Variants in PDE7A observed in about 807,000 individuals in gnomAD.
PDE7A encodes high affinity 3',5'-cyclic-AMP phosphodiesterase 7A.
In PDE7A, 39 loss-of-function variants were observed where a neutral mutation model predicts 64.3. That is an observed-to-expected ratio of 0.61 (90% CI 0.47 to 0.79). The LOEUF is 0.79. Among genes scored for constraint, PDE7A ranks in the 30% least tolerant of loss-of-function variants. The pLI is 0.00. For synonymous variants in PDE7A, 203 were observed against 206.8 expected, an observed-to-expected ratio of 0.98 and a Z score of 0.16; for missense variants, 470 against 582.8, an observed-to-expected ratio of 0.81 and a Z score of 1.99.
intron 1 of PDE7A, among the ~76,000 whole-genome samples, chr8:65,812,969 C>CA (rs987335667): frequency 3.3e-5 from 5 of 151,898 alleles, no homozygotes; most frequent in African/African-American, 1.2e-4. Flanking sequence ...AATAAATTTT[C>CA]AAATGAACCC....
At chr8:65,738,820 GT>G (rs1326401052) in intron 6 of PDE7A, among the ~76,000 whole-genome samples, 12 of 152,216 alleles carry the variant, frequency 7.9e-5, no homozygotes, top group African/African-American at 2.7e-4. Context: ...CTCTTTTAAA[GT>G]TTTAGCCTTC....
In PDE7A at chr8:65,836,450, G is replaced by A. The variant is rs114302888; in HGVS notation, c.138+4921C>T. 3.6e-3 allele frequency among the ~76,000 whole-genome samples: 552 copies of A among 152,290 alleles called. 2 individuals are homozygous for A. Among genetic ancestry groups the A allele is most frequent in the African/African-American group, 0.012 (516 of 41,558 alleles). ...TGTCTAATAATATATGATTGGAGAT[G>A]AAACAGACAGGATCACCTATTTTGG... On this transcript the variant is annotated intron_variant, in intron 1 of 12. Transcript: ENST00000401827.
chr8:65,808,516 G>A (rs576896256), intron 1 of PDE7A, among the ~76,000 whole-genome samples: 3 of 152,144 alleles, frequency 2.0e-5, no homozygotes, highest in African/African-American at 7.2e-5. Context: ...CACAGTAGGA[G>A]AAAGAATCTA....
intron 7 of PDE7A, 135 bp from the exon 8 acceptor site, chr8:65,727,436 G>A: frequency 8.1e-7 from 1 of 1,239,202 alleles, no homozygotes; most frequent in Non-Finnish European, 1.1e-6. Context: ...TCAGGTGGTT[G>A]TTCATTAGGT....
intron 1 of PDE7A, among the ~76,000 whole-genome samples, chr8:65,807,221 G>T (rs370322768): frequency 1.3e-5 from 2 of 152,206 alleles, no homozygotes; most frequent in East Asian, 3.9e-4. Flanking sequence ...ACATTGTTTT[G>T]TAGTTTTCAG....
intron 3 of PDE7A, among the ~76,000 whole-genome samples, chr8:65,755,693 T>C (rs1808202342): frequency 6.6e-6 from 1 of 152,284 alleles, no homozygotes; most frequent in Admixed American, 6.5e-5. Flanking sequence ...TATTTACTTG[T>C]GTAGTAACCT....
intron 1 of PDE7A, among the ~76,000 whole-genome samples, chr8:65,818,760 C>T (rs1193288012): frequency 1.3e-5 from 2 of 152,244 alleles, no homozygotes; most frequent in African/African-American, 2.4e-5. Context: ...TGCACAGCCT[C>T]ATCCAGGAAT....
chr8:65,719,990 G>C (rs1806307600), intron 12 of PDE7A, among the ~76,000 whole-genome samples: 1 of 152,064 alleles, frequency 6.6e-6, no homozygotes, highest in African/African-American at 2.4e-5. Context: ...GACTACAATT[G>C]GTCATTTTAT....
chr8:65,725,634 T>A (rs530738230), intron 9 of PDE7A: 57 of 152,270 alleles, frequency 3.7e-4, no homozygotes, highest in African/African-American at 1.3e-3. Context: ...CCATAGCAAA[T>A]ACTATCTCTG....
intron 3 of PDE7A, among the ~76,000 whole-genome samples, chr8:65,771,790 G>T (rs892448552): frequency 5.4e-5 from 8 of 148,042 alleles, no homozygotes. Context: ...CAGGAGAATC[G>T]CTTGAACCTG....
At chr8:65,781,996 T>C (rs1214301880) in intron 2 of PDE7A, among the ~76,000 whole-genome samples, 1 of 152,086 alleles carries the variant, frequency 6.6e-6, no homozygotes, top group Non-Finnish European at 1.5e-5. Context: ...AATAGAACTC[T>C]GGGGAACACT....
At chr8:65,838,746 T>A (rs1811008797) in intron 1 of PDE7A, 1 of 152,268 alleles carries the variant, frequency 6.6e-6, no homozygotes, top group Non-Finnish European at 1.5e-5. Context: ...GAGTTTTTCT[T>A]CTGATCCCTG....
chr8:65,784,900 A>T (rs1055103222), intron 1 of PDE7A, among the ~76,000 whole-genome samples: 1 of 152,126 alleles, frequency 6.6e-6, no homozygotes, highest in Non-Finnish European at 1.5e-5. Context: ...GTATTTTTAC[A>T]TATCAGATTA....
At position 65,749,181 on chromosome 8, in the gene PDE7A, G is replaced by GT. The variant is rs1563486339; in HGVS notation, c.284-1379dup. 2.6e-5 allele frequency among the ~76,000 whole-genome samples: 4 copies of GT among 152,268 alleles called. No individual in the cohort carries two copies. The South Asian group carries it at 8.3e-4, about 32-fold the overall frequency. ...AATAGTACTTCTGATATTATAATTAGTTTTTTGTCTCCTTGAACAAATGAT... is the reference window on the plus strand; with the variant it reads ...AATAGTACTTCTGATATTATAATTAGTTTTTTTGTCTCCTTGAACAAATGAT... On this transcript the variant is annotated intron_variant, in intron 3 of 12. Coordinates refer to ENST00000401827, the MANE Select transcript of PDE7A (RefSeq NM_001242318.3).
intron 1 of PDE7A, among the ~76,000 whole-genome samples, chr8:65,822,565 A>C (rs974739395): frequency 2.0e-5 from 3 of 152,214 alleles, no homozygotes; most frequent in Admixed American, 6.5e-5. Flanking sequence ...CACTCTTAAG[A>C]AGCACATATT....
At chr8:65,835,990 G>A (rs1416703531) in intron 1 of PDE7A, among the ~76,000 whole-genome samples, 3 of 152,150 alleles carry the variant, frequency 2.0e-5, no homozygotes, top group Admixed American at 6.5e-5. Flanking sequence ...TAGCTCAGAA[G>A]TGAAAGCTAA....
chr8:65,797,158 A>G (rs1286267943), intron 1 of PDE7A, among the ~76,000 whole-genome samples: 2 of 152,234 alleles, frequency 1.3e-5, no homozygotes, highest in Non-Finnish European at 2.9e-5. Flanking sequence ...ACTACAAAAC[A>G]TAGTATGGGG....
rs372447588 is a variant in PDE7A at position 65,727,318 on chromosome 8, G to A, written c.697-17C>T. The A allele has an allele frequency of 1.2e-6, 2 of 1,611,840 alleles. No homozygotes were observed. The highest frequency in any genetic ancestry group is 1.7e-6 in the Non-Finnish European group (2 of 1,178,634). On this transcript the variant is annotated splice_polypyrimidine_tract_variant and intron_variant, in intron 7 of 12. Coordinates refer to ENST00000401827, the MANE Select transcript of PDE7A (RefSeq NM_001242318.3). Reference sequence around the variant, plus strand: ...ATTGGCAAGCTGAAGTGTGACAAAAGAATAATGAATCACAGATATATCTAA... The same window carrying A: ...ATTGGCAAGCTGAAGTGTGACAAAAAAATAATGAATCACAGATATATCTAA...
At chr8:65,837,185 T>C (rs1810968812) in intron 1 of PDE7A, among the ~76,000 whole-genome samples, 1 of 152,218 alleles carries the variant, frequency 6.6e-6, no homozygotes, top group Non-Finnish European at 1.5e-5. Flanking sequence ...TCACAGGACC[T>C]GGATAATTTG....
Sources: gnomAD v4.1 joint callset for allele counts (sites outside exome capture counted in the v4.1 genomes callset) on GRCh38, gnomAD v4.1.1 for gene constraint, MANE v1.5 for transcripts, NCBI Gene and HGNC (gene_info 2026-07-23, HGNC 2026-07-21) for gene names.